The following DYRK1A variants were observed in gnomAD, a reference collection of about 807,000 sequenced individuals.
The protein encoded by DYRK1A is dual specificity tyrosine-phosphorylation-regulated kinase 1A.
Under a neutral mutation model 79.7 loss-of-function variants are expected in DYRK1A, and 9 were observed. The observed-to-expected ratio is 0.11, with a 90% CI of 0.07 to 0.20. DYRK1A has a LOEUF of 0.20. Among genes scored for constraint, DYRK1A ranks in the 10% least tolerant of loss-of-function variants. DYRK1A has a pLI of 1.00. For missense variants in DYRK1A, 622 were observed against 956.0 expected (o/e 0.65, Z 4.61); for synonymous variants, 349 against 329.7 (o/e 1.06, Z -0.63).
intron 4 of DYRK1A, among the ~76,000 whole-genome samples, chr21:37,478,943 G>C (rs762106933): frequency 1.3e-5 from 2 of 152,170 alleles, no homozygotes; most frequent in African/African-American, 4.8e-5. Flanking sequence ...TTTTTCTGGT[G>C]TCTTGGACCA....
rs1173944316 is a variant in DYRK1A at position 37,516,605 on chromosome 21, G to C, written c.*4074G>C. The C allele has an allele frequency of 6.6e-6, 1 of 152,186 alleles. No homozygotes were observed. Among genetic ancestry groups the C allele is most frequent in the Non-Finnish European group, 1.5e-5 (1 of 68,030 alleles). 9.4% of individuals were successfully genotyped at this position (152,186 alleles called of 1,614,324 possible). A position where few individuals can be genotyped will look rare whatever the true frequency, so the allele number is the denominator to read the frequency against. On this transcript the variant is annotated 3_prime_UTR_variant, in exon 12 of 12. Transcript: ENST00000647188. Reference sequence around the variant, plus strand: ...CTACTGGGCTTTCACCCTGGACCAGGAATTTTTGACGTATGCCTGTGTTGA... The same window carrying C: ...CTACTGGGCTTTCACCCTGGACCAGCAATTTTTGACGTATGCCTGTGTTGA...
intron 3 of DYRK1A, among the ~76,000 whole-genome samples, chr21:37,476,455 G>A (rs996894786): frequency 4.6e-5 from 7 of 152,270 alleles, no homozygotes; most frequent in East Asian, 1.9e-4. Context: ...ATGAAGCATT[G>A]CACTGATTCA....
At chr21:37,469,675 C>T (rs942306312) in intron 2 of DYRK1A, among the ~76,000 whole-genome samples, 4 of 152,126 alleles carry the variant, frequency 2.6e-5, no homozygotes, top group Admixed American at 1.3e-4. Context: ...GGGGGAGGTG[C>T]CACACAGTTT....
chr21:37,401,813 T>A (rs1321904737), intron 1 of DYRK1A, among the ~76,000 whole-genome samples: 1 of 152,188 alleles, frequency 6.6e-6, no homozygotes, highest in Non-Finnish European at 1.5e-5. Flanking sequence ...GAAATTTGGT[T>A]TCTCTTTTGT....
intron 1 of DYRK1A, among the ~76,000 whole-genome samples, chr21:37,393,885 G>A (rs1029405589): frequency 3.9e-5 from 6 of 152,178 alleles, no homozygotes; most frequent in Non-Finnish European, 8.8e-5. Context: ...TCTCACAGCT[G>A]TGACTGGTTT....
At chr21:37,414,835 A>C (rs778110532) in intron 1 of DYRK1A, among the ~76,000 whole-genome samples, 1 of 152,346 alleles carries the variant, frequency 6.6e-6, no homozygotes, top group African/African-American at 2.4e-5. Flanking sequence ...CTTGAAGGTC[A>C]TACAAACCTG....
At position 37,505,603 on chromosome 21, in the gene DYRK1A, C is replaced by T. The variant is rs764853483; in HGVS notation, c.1519+14C>T. The T allele has an allele frequency of 1.7e-5, 27 of 1,572,344 alleles. No homozygotes were observed. The highest frequency in any genetic ancestry group is 1.7e-4 in the Middle Eastern group (1 of 5,916). On this transcript the variant is annotated intron_variant, in intron 10 of 11. Transcript: ENST00000647188. ...CGTCAAGCTCAGGTCTGTGCTGCTG[C>T]GGTTAGATTAGGCTTGGGAATGTTT...
At position 37,515,337 on chromosome 21, in the gene DYRK1A, A is replaced by G. The variant is rs563652504; in HGVS notation, c.*2806A>G. On this transcript the variant is annotated 3_prime_UTR_variant, in exon 12 of 12. Transcript: ENST00000647188. ...CTATTTGAGATACATTGACATAGGC[A>G]TCAGCAATCTCTGAAAGTAAAAATT... The G allele has an allele frequency of 6.5e-6, 1 of 152,808 alleles. No individual in the cohort carries two copies. Among genetic ancestry groups the G allele is most frequent in the Non-Finnish European group, 1.5e-5 (1 of 68,034 alleles). The allele number at this position is 152,808 out of a possible 1,614,324, so 9.5% of individuals were successfully genotyped here.
At chr21:37,404,376 T>G (rs1435504443) in intron 1 of DYRK1A, among the ~76,000 whole-genome samples, 2 of 152,186 alleles carry the variant, frequency 1.3e-5, no homozygotes, top group Non-Finnish European at 2.9e-5. Context: ...CCAGACTTGC[T>G]CATTGTCTAT....
intron 2 of DYRK1A, among the ~76,000 whole-genome samples, chr21:37,470,971 G>A (rs971000020): frequency 1.3e-5 from 2 of 152,218 alleles, no homozygotes; most frequent in African/African-American, 2.4e-5. Flanking sequence ...TATTAATCAT[G>A]TAGATTGGGA....
At chr21:37,504,459 C>G (rs748162098) in intron 9 of DYRK1A, 1 of 152,160 alleles carries the variant, frequency 6.6e-6, no homozygotes, top group Non-Finnish European at 1.5e-5. Flanking sequence ...TTTGTTCCAA[C>G]TTTGGATCCT....
At chr21:37,446,033 T>C (rs112613871) in intron 2 of DYRK1A, among the ~76,000 whole-genome samples, 20 of 152,316 alleles carry the variant, frequency 1.3e-4, no homozygotes, top group African/African-American at 4.8e-4. Flanking sequence ...AGAGCATCCC[T>C]GCTTCTAAAA....
intron 1 of DYRK1A, among the ~76,000 whole-genome samples, chr21:37,383,064 T>A (rs1223764490): frequency 1.3e-5 from 2 of 152,242 alleles, no homozygotes; most frequent in Non-Finnish European, 1.5e-5. Flanking sequence ...AATTGTTCAC[T>A]TTCCCCACCG....
At chr21:37,480,440 C>T (rs1292892666) in intron 4 of DYRK1A, among the ~76,000 whole-genome samples, 198 bp from the exon 5 acceptor site, 2 of 152,190 alleles carry the variant, frequency 1.3e-5, no homozygotes, top group Non-Finnish European at 2.9e-5. Context: ...AGTCACTTAA[C>T]ATTTTTTGTT....
chr21:37,497,671 A>G (rs547033368), intron 9 of DYRK1A, among the ~76,000 whole-genome samples: 22 of 152,190 alleles, frequency 1.4e-4, no homozygotes, highest in Non-Finnish European at 3.2e-4. Flanking sequence ...TTTCCTCAAT[A>G]AAACATCCCA....
At chr21:37,489,310 C>A (rs2052991647) in intron 6 of DYRK1A, among the ~76,000 whole-genome samples, 1 of 152,090 alleles carries the variant, frequency 6.6e-6, no homozygotes, top group South Asian at 2.1e-4. Context: ...TAAGACTTAA[C>A]AGGGAGGGAC....
intron 6 of DYRK1A, chr21:37,488,309 T>A: frequency 1.0e-6 from 1 of 962,092 alleles, no homozygotes; most frequent in Non-Finnish European, 1.2e-6. Context: ...GAACTTTAGA[T>A]TAGACAAGTT....
intron 7 of DYRK1A, among the ~76,000 whole-genome samples, chr21:37,491,604 G>A (rs1359914785): frequency 2.6e-5 from 4 of 152,160 alleles, no homozygotes; most frequent in Admixed American, 6.6e-5. Context: ...TGGTAGTGAG[G>A]CTATCAAATG....
At chr21:37,503,143 T>C (rs1206478296) in intron 9 of DYRK1A, 2 of 152,222 alleles carry the variant, frequency 1.3e-5, no homozygotes, top group Non-Finnish European at 2.9e-5. Context: ...CTGAGTTTCT[T>C]GGATCTGTGG....
Sources: gnomAD v4.1 joint callset for allele counts (sites outside exome capture counted in the v4.1 genomes callset) on GRCh38, gnomAD v4.1.1 for gene constraint, MANE v1.5 for transcripts, NCBI Gene and HGNC (gene_info 2026-07-23, HGNC 2026-07-21) for gene names.